RBFOX3: variants seen among roughly 807,000 people sequenced by gnomAD.
RBFOX3 encodes RNA binding protein fox-1 homolog 3.
In RBFOX3, 17 loss-of-function variants were observed where a neutral mutation model predicts 48.7. That is an observed-to-expected ratio of 0.35 (90% confidence interval 0.24 to 0.52). The LOEUF (loss-of-function observed/expected upper bound fraction) is 0.52. RBFOX3 is among the 20% of genes least tolerant of loss of function. The probability of loss-of-function intolerance (pLI) is 0.94; values close to 1 mark genes in which losing one functional copy is unlikely to be tolerated. For missense variants in RBFOX3, 382 were observed against 497.5 expected (o/e 0.77, Z 2.21); for synonymous variants, 212 against 209.5 (o/e 1.01, Z -0.10).
At chr17:79,387,068 G>A (rs964755717) in intron 2 of RBFOX3, among the ~76,000 whole-genome samples, 1 of 152,200 alleles carries the variant, frequency 6.6e-6, no homozygotes, top group Non-Finnish European at 1.5e-5. Context: ...ACTGAACAGG[G>A]ACAGGAAAGC....
intron 12 of RBFOX3, among the ~76,000 whole-genome samples, chr17:79,095,880 C>T (rs1168555143): frequency 1.3e-5 from 2 of 152,228 alleles, no homozygotes; most frequent in Non-Finnish European, 2.9e-5. Flanking sequence ...ACTCCACACA[C>T]ATTAGCGGGT....
intron 1 of RBFOX3, among the ~76,000 whole-genome samples, chr17:79,586,538 G>A (rs2093256326): frequency 5.3e-5 from 8 of 152,208 alleles, no homozygotes. Context: ...CCTTCCCCCA[G>A]GCATGAGGAC....
rs957838249 is a variant in RBFOX3, at chr17:79,418,421, C to T, written c.-175+64033G>A. 6.6e-6 allele frequency among the ~76,000 whole-genome samples: 1 copy of T among 152,192 alleles called. No homozygotes were observed. Among genetic ancestry groups the T allele is most frequent in the Non-Finnish European group, 1.5e-5 (1 of 68,036 alleles). On this transcript the variant is annotated intron_variant, in intron 2 of 14. Transcript: ENST00000693108. This position sits in a 1 kb window ranked among gnomAD's most constrained non-coding sequence, Gnocchi z 5.0. ...AATTTTCCCTCCACTAGATAATCTC[C>T]TTGAACAATTTCATAAAGAAGGATT...
chr17:79,557,953 T>C (rs971856057), intron 1 of RBFOX3, among the ~76,000 whole-genome samples: 1 of 152,120 alleles, frequency 6.6e-6, no homozygotes, highest in Non-Finnish European at 1.5e-5. Flanking sequence ...GGAGGGAAGA[T>C]AAGTAGCTCC....
intron 2 of RBFOX3, among the ~76,000 whole-genome samples, chr17:79,354,297 G>A (rs2147082613): frequency 6.6e-6 from 1 of 152,352 alleles, no homozygotes; most frequent in South Asian, 2.1e-4. Flanking sequence ...GCCCTAAAGA[G>A]CCTCTGTAGG....
intron 3 of RBFOX3, among the ~76,000 whole-genome samples, chr17:79,298,695 C>G (rs972791377): frequency 6.6e-6 from 1 of 152,216 alleles, no homozygotes; most frequent in African/African-American, 2.4e-5. Flanking sequence ...CGAGGGTCAT[C>G]TCGCCGGCAG....
intron 3 of RBFOX3, among the ~76,000 whole-genome samples, chr17:79,272,308 A>G (rs1189794359): frequency 6.6e-6 from 1 of 152,214 alleles, no homozygotes; most frequent in Non-Finnish European, 1.5e-5. Flanking sequence ...GTTTGCAGGA[A>G]GACCCAGGCC....
chr17:79,639,117 C>CA, the RBFOX3 span, among the ~76,000 whole-genome samples: 4 of 151,650 alleles, frequency 2.6e-5, no homozygotes, highest in African/African-American at 4.8e-5. Flanking sequence ...TAAAGTCTTC[C>CA]AAAAAATAGA....
chr17:79,120,092 G>C (rs2035276874), intron 4 of RBFOX3, among the ~76,000 whole-genome samples: 1 of 152,180 alleles, frequency 6.6e-6, no homozygotes, highest in Non-Finnish European at 1.5e-5. Flanking sequence ...GGTGTGAGCG[G>C]AGGAGTTCCT....
rs1600048080 is a variant in RBFOX3 at position 79,214,709 on chromosome 17, A to G, written c.-34+21057T>C. ...GGCCATCTGGGAAGCCCAGGAGGGGAGGCTGGAGGCCCAGGGGCCCCCAGC... is the reference window on the plus strand; with the variant it reads ...GGCCATCTGGGAAGCCCAGGAGGGGGGGCTGGAGGCCCAGGGGCCCCCAGC... On this transcript the variant is annotated intron_variant, in intron 4 of 14. Transcript: ENST00000693108. This position sits in a 1 kb window ranked among gnomAD's most constrained non-coding sequence, Gnocchi z 4.7. Among the ~76,000 whole-genome samples the G allele has an allele frequency of 6.6e-6, 1 of 151,932 alleles. No individual in the cohort carries two copies. Among genetic ancestry groups the G allele is most frequent in the South Asian group, 2.1e-4 (1 of 4,808 alleles).
chr17:79,627,918 C>A, the RBFOX3 span, among the ~76,000 whole-genome samples: 2 of 151,194 alleles, frequency 1.3e-5, no homozygotes, highest in Admixed American at 1.3e-4. Context: ...ACAAAAGAGA[C>A]CCCCACGGTC....
chr17:79,241,289 C>G (rs1461076548), intron 3 of RBFOX3, among the ~76,000 whole-genome samples: 1 of 151,876 alleles, frequency 6.6e-6, no homozygotes, highest in East Asian at 1.9e-4. Flanking sequence ...GCTGGGGCTA[C>G]AGGTGTGAAC....
rs2061316367 is a variant in RBFOX3, at chr17:79,390,928, G to C, written c.-174-83104C>G. On this transcript the variant is annotated intron_variant, in intron 2 of 14. Coordinates refer to ENST00000693108, the MANE Select transcript of RBFOX3 (RefSeq NM_001350451.2). The surrounding 1 kb of genome is among the most constrained non-coding windows in gnomAD (Gnocchi z 4.2). ...CTCGGGTGCCGGCAGGGAGTTCCTG[G>C]ACCCACCCAAAGCCAGCTCTGCTTC... Among the ~76,000 whole-genome samples the C allele has an allele frequency of 6.6e-6, 1 of 152,142 alleles. No individual in the cohort carries two copies. Among genetic ancestry groups the C allele is most frequent in the Non-Finnish European group, 1.5e-5 (1 of 68,028 alleles).
Position 79,504,356 on chromosome 17 carries a change from C to T in RBFOX3, c.-319-21758G>A, listed in dbSNP as rs950120921. Among the ~76,000 whole-genome samples the T allele has an allele frequency of 1.1e-4, 16 of 152,336 alleles. No homozygotes were observed. In the South Asian group the frequency reaches 1.9e-3, roughly 18 times the overall value. On this transcript the variant is annotated intron_variant, in intron 1 of 14. Transcript: ENST00000693108. ...AGTAGCTCGCTCACTAGCAATGTGG[C>T]ACATTTCTTTACAACACAGCATTAG...
intron 2 of RBFOX3, among the ~76,000 whole-genome samples, chr17:79,415,340 A>C (rs965253587): frequency 5.8e-4 from 89 of 152,308 alleles, no homozygotes; most frequent in African/African-American, 2.0e-3. Flanking sequence ...GTGTGGGGCT[A>C]AATACTCCAA....
At chr17:79,226,886 GA>G (rs1197861314) in intron 4 of RBFOX3, among the ~76,000 whole-genome samples, 2 of 152,222 alleles carry the variant, frequency 1.3e-5, no homozygotes, top group African/African-American at 4.8e-5. Flanking sequence ...CGTGAGACTG[GA>G]TAAGGACAGA....
upstream of RBFOX3, among the ~76,000 whole-genome samples, chr17:79,615,541 C>T (rs1388962260): frequency 2.6e-5 from 4 of 152,140 alleles, no homozygotes; most frequent in Non-Finnish European, 5.9e-5. Context: ...GCTGTCACTA[C>T]CAAGATGCCT....
At chr17:79,501,536 G>T (rs2082387075) in intron 1 of RBFOX3, among the ~76,000 whole-genome samples, 1 of 152,198 alleles carries the variant, frequency 6.6e-6, no homozygotes, top group Non-Finnish European at 1.5e-5. Flanking sequence ...ACAGCCACAG[G>T]TTTGAACCTG....
chr17:79,245,666 C>T (rs576022050), intron 3 of RBFOX3, among the ~76,000 whole-genome samples: 51 of 141,430 alleles, frequency 3.6e-4, no homozygotes, highest in Admixed American at 1.1e-3. Context: ...CTAACTCTGT[C>T]GCCCAGGCTG....
Sources: allele counts gnomAD v4.1 joint callset (sites outside exome capture counted in the v4.1 genomes callset), GRCh38; gene constraint gnomAD v4.1.1; non-coding constraint Gnocchi (gnomAD v3.1); transcripts MANE v1.5; gene names NCBI Gene and HGNC (gene_info 2026-07-23, HGNC 2026-07-21).